RAB7A: variants seen among roughly 807,000 people sequenced by gnomAD.
RAB7A encodes RAB7A, member RAS oncogene family.
RAB7A carries 2 observed loss-of-function variants against 24.5 expected under a neutral mutation model. The ratio of observed to expected loss-of-function variants is 0.08; its 90% CI spans 0.03 to 0.26. The LOEUF (loss-of-function observed/expected upper bound fraction) is 0.26. Ranked by LOEUF, RAB7A falls within the 10% of genes least tolerant of loss-of-function variation. The pLI, the probability that RAB7A is intolerant of heterozygous loss-of-function variation, is 1.00. For synonymous variants in RAB7A, 100 were observed against 95.9 expected, an observed-to-expected ratio of 1.04 and a Z score of -0.25; for missense variants, 118 against 255.7, an observed-to-expected ratio of 0.46 and a Z score of 3.67.
chr3:128,740,690 G>A (rs1187929389), intron 1 of RAB7A, among the ~76,000 whole-genome samples: 1 of 150,912 alleles, frequency 6.6e-6, no homozygotes, highest in African/African-American at 2.4e-5. Context: ...GAGCCCAGGA[G>A]TTCAAGACCA....
chr3:128,736,543 C>T (rs557796093), intron 1 of RAB7A, among the ~76,000 whole-genome samples: 33 of 152,090 alleles, frequency 2.2e-4, no homozygotes, highest in African/African-American at 5.5e-4. Context: ...AAGGAGCAGC[C>T]GTGATAGGAG....
At chr3:128,797,000 C>A (rs1404158828) in intron 2 of RAB7A, among the ~76,000 whole-genome samples, 2 of 152,134 alleles carry the variant, frequency 1.3e-5, no homozygotes, top group Admixed American at 1.3e-4. Flanking sequence ...TTTGCCCAGC[C>A]CCAGACCAGT....
At chr3:128,747,606 TAAAG>T (rs1269221973) in intron 1 of RAB7A, among the ~76,000 whole-genome samples, 2 of 151,300 alleles carry the variant, frequency 1.3e-5, no homozygotes, top group Admixed American at 6.6e-5. Context: ...TGAAATGAAA[TAAAG>T]AAATGAAATG....
chr3:128,802,808 AT>A (rs1341541632), intron 3 of RAB7A, among the ~76,000 whole-genome samples: 2 of 132,498 alleles, frequency 1.5e-5, no homozygotes, highest in African/African-American at 2.9e-5. Flanking sequence ...CACCCAGCCT[AT>A]TTTTTATTTT....
chr3:128,733,885 G>A (rs939656486), intron 1 of RAB7A, among the ~76,000 whole-genome samples: 11 of 152,162 alleles, frequency 7.2e-5, no homozygotes, highest in Admixed American at 1.3e-4. Context: ...TTCAAAAGTT[G>A]TACCAGCGTA....
chr3:128,745,220 G>A lies in RAB7A; in HGVS notation c.-9+18861G>A, dbSNP rs144992806. On this transcript the variant is annotated intron_variant, in intron 1 of 5. Coordinates refer to ENST00000265062, the MANE Select transcript of RAB7A (RefSeq NM_004637.6). ...TTTTCTGGTTAACTTCAAGTACTGC[G>A]TGTCTACCTGTTGCCTAAACTAGGG... 3.0e-3 allele frequency among the ~76,000 whole-genome samples: 452 copies of A among 152,136 alleles called. 1 individual carries two copies. The highest frequency in any genetic ancestry group is 0.01 in the African/African-American group (423 of 41,492).
chr3:128,779,886 C>T (rs1437870402), intron 1 of RAB7A, among the ~76,000 whole-genome samples: 1 of 152,174 alleles, frequency 6.6e-6, no homozygotes, highest in Middle Eastern at 3.2e-3. Context: ...ATCATAGGGC[C>T]ACCTCATGAG....
chr3:128,738,819 A>G (rs1401747875), intron 1 of RAB7A, among the ~76,000 whole-genome samples: 1 of 152,212 alleles, frequency 6.6e-6, no homozygotes, highest in African/African-American at 2.4e-5. Context: ...ATCTGTTGTC[A>G]TACCTGGTTG....
chr3:128,804,555 CTTG>C (rs1416021594), intron 3 of RAB7A, among the ~76,000 whole-genome samples: 1 of 152,082 alleles, frequency 6.6e-6, no homozygotes, highest in African/African-American at 2.4e-5. Context: ...TAGGACTGTA[CTTG>C]TTGATGTTTT....
chr3:128,732,534 C>T (rs961330848), intron 1 of RAB7A, among the ~76,000 whole-genome samples: 2 of 152,084 alleles, frequency 1.3e-5, no homozygotes, highest in Non-Finnish European at 2.9e-5. Flanking sequence ...TGAGATTGAA[C>T]TCTTGGCCAG....
chr3:128,778,269 T>A (rs71331608), intron 1 of RAB7A, among the ~76,000 whole-genome samples: 1,696 of 152,288 alleles, frequency 0.011, 23 homozygotes, highest in Middle Eastern at 0.017. Context: ...AACTGTTACA[T>A]TGGACAGTTC....
intron 1 of RAB7A, among the ~76,000 whole-genome samples, chr3:128,751,043 G>A (rs748161066): frequency 3.9e-5 from 6 of 152,242 alleles, no homozygotes; most frequent in Non-Finnish European, 8.8e-5. Context: ...CAAGAATTGA[G>A]GTTTGGGAAC....
intron 1 of RAB7A, among the ~76,000 whole-genome samples, chr3:128,793,034 G>GT (rs565482529): frequency 2.0e-4 from 30 of 147,264 alleles, no homozygotes; most frequent in Admixed American, 6.1e-4. Flanking sequence ...TTTGTTTTTT[G>GT]TTTTTTTGAG....
intron 1 of RAB7A, among the ~76,000 whole-genome samples, chr3:128,780,821 A>G (rs1933202826): frequency 6.6e-6 from 1 of 152,228 alleles, no homozygotes; most frequent in African/African-American, 2.4e-5. Context: ...ATAAAAGTGG[A>G]GGCAAGAATT....
chr3:128,768,720 G>A (rs1016625559), intron 1 of RAB7A, among the ~76,000 whole-genome samples: 1 of 148,300 alleles, frequency 6.7e-6, no homozygotes, highest in Non-Finnish European at 1.5e-5. Context: ...CACCACACCT[G>A]GCTAATTTTT....
At chr3:128,761,354 TCAAAGTCCTCTATA>T (rs1303219195) in intron 1 of RAB7A, among the ~76,000 whole-genome samples, 1 of 152,202 alleles carries the variant, frequency 6.6e-6, no homozygotes, top group African/African-American at 2.4e-5. Context: ...CAAACCATAG[TCAAAGTCCTCTATA>T]CCCCCCCATC....
chr3:128,796,306 A>C (rs2107611430), intron 2 of RAB7A, among the ~76,000 whole-genome samples: 1 of 151,792 alleles, frequency 6.6e-6, no homozygotes, highest in African/African-American at 2.4e-5. Flanking sequence ...TCTACAAAAA[A>C]AATTTAGCCA....
intron 3 of RAB7A, among the ~76,000 whole-genome samples, chr3:128,802,226 G>T (rs1024577501): frequency 6.6e-6 from 1 of 152,314 alleles, no homozygotes; most frequent in Admixed American, 6.5e-5. Context: ...GTAATCTAAT[G>T]TGTAGGGAAA....
At chr3:128,787,065 T>C (rs538761404) in intron 1 of RAB7A, among the ~76,000 whole-genome samples, 10 of 152,276 alleles carry the variant, frequency 6.6e-5, no homozygotes, top group African/African-American at 2.2e-4. Flanking sequence ...TTCTGGGAGA[T>C]GGAATTGTCA....
Sources: gnomAD v4.1 joint callset for allele counts (sites outside exome capture counted in the v4.1 genomes callset) on GRCh38, gnomAD v4.1.1 for gene constraint, MANE v1.5 for transcripts, NCBI Gene and HGNC (gene_info 2026-07-23, HGNC 2026-07-21) for gene names.